STPG2: variants seen among roughly 807,000 people sequenced by gnomAD.
The protein encoded by STPG2 is sperm tail PG-rich repeat containing 2.
Under a neutral mutation model 54.2 loss-of-function variants are expected in STPG2, and 56 were observed. The ratio of observed to expected loss-of-function variants is 1.03; its 90% CI spans 0.83 to 1.29. The LOEUF is 1.29. Ranked by LOEUF, STPG2 falls within the 50% of genes most tolerant of loss-of-function variation. The pLI is 0.00. For synonymous variants in STPG2, 200 were observed against 181.8 expected, an observed-to-expected ratio of 1.10 and a Z score of -0.81; for missense variants, 596 against 544.9, an observed-to-expected ratio of 1.09 and a Z score of -0.93.
intron 2 of STPG2, among the ~76,000 whole-genome samples, chr4:98,133,892 T>C (rs1358022476): frequency 6.6e-6 from 1 of 151,998 alleles, no homozygotes; most frequent in African/African-American, 2.4e-5. Context: ...TTTCTAAACA[T>C]GAATGAACCA....
intron 1 of STPG2, among the ~76,000 whole-genome samples, chr4:98,135,446 A>G (rs1399816253): frequency 2.6e-5 from 4 of 151,878 alleles, no homozygotes; most frequent in Non-Finnish European, 4.4e-5. Flanking sequence ...CCTCTAAAAA[A>G]GTAATATCTT....
chr4:97,719,699 CT>C (rs1375924307), intron 9 of STPG2, among the ~76,000 whole-genome samples: 1 of 151,798 alleles, frequency 6.6e-6, no homozygotes, highest in Non-Finnish European at 1.5e-5. Context: ...TCTATAAATG[CT>C]TATTGAGCTG....
At position 97,635,378 on chromosome 4, in the gene STPG2, G is replaced by A. The variant is rs555233245; in HGVS notation, c.1321-76261C>T. Among the ~76,000 whole-genome samples the A allele has an allele frequency of 1.7e-4, 26 of 152,304 alleles. No individual in the cohort carries two copies. In the East Asian group the frequency reaches 3.9e-3, roughly 23 times the overall value. ...AAAGGAACAACTGGTACTAGCTGCTGCAAAATCATGCCAAAATGTAAAGAC... is the reference window on the plus strand; with the variant it reads ...AAAGGAACAACTGGTACTAGCTGCTACAAAATCATGCCAAAATGTAAAGAC... On this transcript the variant is annotated intron_variant, in intron 10 of 10. Coordinates refer to ENST00000295268, the MANE Select transcript of STPG2 (RefSeq NM_174952.3).
chr4:98,089,653 A>C (rs1021188643), intron 5 of STPG2, among the ~76,000 whole-genome samples: 1 of 150,628 alleles, frequency 6.6e-6, no homozygotes, highest in Non-Finnish European at 1.5e-5. Context: ...GGTTGTACTA[A>C]TTTACATTCC....
intron 10 of STPG2, 25 bp from the exon 11 acceptor site, chr4:97,559,142 A>G (rs1459099112): frequency 5.3e-6 from 8 of 1,502,266 alleles, no homozygotes; most frequent in East Asian, 2.3e-5. Flanking sequence ...TGAGAAAAAA[A>G]GGAGGAAAAC....
chr4:97,951,393 T>C (rs1407014218), intron 7 of STPG2, among the ~76,000 whole-genome samples: 1 of 152,194 alleles, frequency 6.6e-6, no homozygotes, highest in Non-Finnish European at 1.5e-5. Context: ...TGCAGAACCT[T>C]GTTTTGTCAT....
At chr4:97,787,713 T>C (rs1726869086) in intron 9 of STPG2, among the ~76,000 whole-genome samples, 1 of 151,968 alleles carries the variant, frequency 6.6e-6, no homozygotes, top group Non-Finnish European at 1.5e-5. Context: ...CTTAAATGTT[T>C]ATGCTTGATA....
chr4:97,632,018 T>C (rs905834617), intron 10 of STPG2, among the ~76,000 whole-genome samples: 2 of 151,998 alleles, frequency 1.3e-5, no homozygotes, highest in Non-Finnish European at 2.9e-5. Context: ...AATACATTAA[T>C]AAAGTATATC....
intron 5 of STPG2, among the ~76,000 whole-genome samples, chr4:98,044,234 A>G (rs544035410): frequency 9.9e-5 from 15 of 152,184 alleles, no homozygotes; most frequent in Non-Finnish European, 2.2e-4. Flanking sequence ...TTATAGTAAT[A>G]TACTACTTTC....
intron 4 of STPG2, among the ~76,000 whole-genome samples, chr4:98,108,259 G>A (rs1026286009): frequency 3.9e-5 from 6 of 152,066 alleles, no homozygotes; most frequent in Admixed American, 1.3e-4. Flanking sequence ...AATTGAGTAC[G>A]TAATCACTCT....
chr4:98,088,936 T>C (rs772320519), intron 5 of STPG2, among the ~76,000 whole-genome samples: 37 of 152,170 alleles, frequency 2.4e-4, no homozygotes, highest in Non-Finnish European at 5.0e-4. Context: ...TGCCTTTGGA[T>C]CCCACTTTTA....
intron 9 of STPG2, among the ~76,000 whole-genome samples, chr4:97,758,644 G>A (rs1272303426): frequency 2.0e-5 from 3 of 151,988 alleles, no homozygotes; most frequent in South Asian, 2.1e-4. Flanking sequence ...GAGAGGGGAC[G>A]GAGAGCATTA....
chr4:97,546,761 T>C lies in STPG2; in HGVS notation c.462+165938A>G, dbSNP rs577091414. Among the ~76,000 whole-genome samples the C allele has an allele frequency of 3.9e-5, 6 of 152,300 alleles. No homozygotes were observed. In the South Asian group the frequency reaches 1.2e-3, roughly 32 times the overall value. ...TTGAAAAGCTGAAATCAAGATATGA[T>C]AATCACTAATTAAGTAATACATACT... On this transcript the variant is annotated intron_variant, in intron 4 of 4. Coordinates refer to the STPG2 transcript ENST00000522676.
At chr4:97,745,245 A>AC (rs910705972) in intron 9 of STPG2, among the ~76,000 whole-genome samples, 4 of 4,822 alleles carry the variant, frequency 8.3e-4, no homozygotes, top group Non-Finnish European at 3.0e-3. Flanking sequence ...GCATAAAACT[A>AC]AAAAAAAAAC....
At chr4:97,752,725 C>T (rs1349825119) in intron 9 of STPG2, among the ~76,000 whole-genome samples, 1 of 151,842 alleles carries the variant, frequency 6.6e-6, no homozygotes. Context: ...ATTACAGAAT[C>T]CAAGACTTAC....
chr4:97,597,741 A>G (rs1337966810), intron 10 of STPG2, among the ~76,000 whole-genome samples: 2 of 152,174 alleles, frequency 1.3e-5, no homozygotes, highest in Non-Finnish European at 2.9e-5. Context: ...CATCGGAAGT[A>G]TAAGAGCCAT....
chr4:98,077,479 G>A (rs1386239474), intron 5 of STPG2, among the ~76,000 whole-genome samples: 1 of 152,056 alleles, frequency 6.6e-6, no homozygotes, highest in Admixed American at 6.5e-5. Flanking sequence ...CTGGTGATCC[G>A]CCTGCCTTGG....
At chr4:97,611,358 A>C (rs970485873) in intron 10 of STPG2, among the ~76,000 whole-genome samples, 1 of 151,836 alleles carries the variant, frequency 6.6e-6, no homozygotes, top group Admixed American at 6.6e-5. Context: ...GGTAACACAC[A>C]CACAAAAAAA....
chr4:97,486,831 A>ATGTG (rs1560629271), intron 4 of STPG2, among the ~76,000 whole-genome samples: 22 of 120,408 alleles, frequency 1.8e-4, no homozygotes, highest in African/African-American at 8.2e-4. Flanking sequence ...GTGTGTGTGT[A>ATGTG]TATATATATA....
Sources: allele counts gnomAD v4.1 joint callset (sites outside exome capture counted in the v4.1 genomes callset), GRCh38; gene constraint gnomAD v4.1.1; transcripts MANE v1.5; gene names NCBI Gene and HGNC (gene_info 2026-07-23, HGNC 2026-07-21).